The following PAK2 variants were observed in gnomAD, a reference collection of about 807,000 sequenced individuals.
PAK2 encodes serine/threonine-protein kinase PAK 2.
A neutral mutation model predicts 65.9 loss-of-function variants in PAK2; 21 were observed. The ratio of observed to expected loss-of-function variants is 0.32; its 90% CI spans 0.23 to 0.46. PAK2 has a LOEUF of 0.46. PAK2 is among the 20% of genes least tolerant of loss of function. The pLI is 1.00. For missense variants in PAK2, 324 were observed against 642.6 expected (o/e 0.50, Z 5.36); for synonymous variants, 204 against 219.7 (o/e 0.93, Z 0.63).
chr3:196,795,087 T>G (rs1487401868), intron 2 of PAK2, among the ~76,000 whole-genome samples: 1 of 152,158 alleles, frequency 6.6e-6, no homozygotes, highest in Non-Finnish European at 1.5e-5. Flanking sequence ...ACCCACAGAT[T>G]CAAGAAATTT....
At chr3:196,783,320 T>C (rs1712550585) in intron 2 of PAK2, among the ~76,000 whole-genome samples, 4 of 152,166 alleles carry the variant, frequency 2.6e-5, no homozygotes, top group Admixed American at 2.0e-4. Flanking sequence ...CAGCAAAATA[T>C]ATGTCTAGTT....
chr3:196,773,465 T>C (rs1323730926), intron 1 of PAK2, among the ~76,000 whole-genome samples: 2 of 152,128 alleles, frequency 1.3e-5, no homozygotes, highest in Admixed American at 6.6e-5. Context: ...AAATACTGTT[T>C]TATGGAAAAG....
intron 4 of PAK2, among the ~76,000 whole-genome samples, chr3:196,803,629 T>C (rs1003646582): frequency 2.0e-5 from 3 of 152,212 alleles, no homozygotes; most frequent in African/African-American, 7.2e-5. Flanking sequence ...ATAGAATATA[T>C]GTATTTTAAT....
At chr3:196,749,449 GTGGTATC>G (rs1184454632) in intron 1 of PAK2, among the ~76,000 whole-genome samples, 1 of 152,196 alleles carries the variant, frequency 6.6e-6, no homozygotes, top group African/African-American at 2.4e-5. Flanking sequence ...TGGGTATTAG[GTGGTATC>G]ATGTTAGTTT....
At chr3:196,746,071 C>T (rs1713368690) in intron 1 of PAK2, among the ~76,000 whole-genome samples, 1 of 151,920 alleles carries the variant, frequency 6.6e-6, no homozygotes. Flanking sequence ...TCGTGATCCG[C>T]CTGCCTCAGC....
At chr3:196,810,544 A>G (rs2108763198) in intron 7 of PAK2, 46 bp from the exon 8 acceptor site, 2 of 974,614 alleles carry the variant, frequency 2.1e-6, no homozygotes, top group East Asian at 2.4e-5. Flanking sequence ...CAATCAATTT[A>G]CACTTAAAAT....
intron 12 of PAK2, among the ~76,000 whole-genome samples, chr3:196,818,652 C>T (rs1174184898): frequency 1.3e-5 from 2 of 152,148 alleles, no homozygotes; most frequent in African/African-American, 4.8e-5. Context: ...AGGCGTGAGC[C>T]ACCGCGGCTG....
Position 196,828,582 on chromosome 3 carries a change from T to G in PAK2, c.*177T>G. 1 of 582,168 alleles carries G rather than the reference T, an allele frequency of 1.7e-6. No individual in the cohort carries two copies. Among genetic ancestry groups the G allele is most frequent in the Non-Finnish European group, 3.0e-6 (1 of 331,168 alleles). The allele number at this position is 582,168 out of a possible 1,614,324, so 36.1% of individuals were successfully genotyped here. ...AAAATTGCAAAAAGACAAGTATGAC[T>G]TTTATATGAACCCCTTCTTTAGGGT... On this transcript the variant is annotated 3_prime_UTR_variant, in exon 15 of 15. Transcript: ENST00000327134.
chr3:196,748,056 T>TA (rs1455412354), intron 1 of PAK2, among the ~76,000 whole-genome samples: 1 of 152,244 alleles, frequency 6.6e-6, no homozygotes, highest in Non-Finnish European at 1.5e-5. Context: ...TTTTCTTTAA[T>TA]ATACTATTCT....
At chr3:196,769,066 CCTATAATCCCAGCAATT>C (rs1714275809) in intron 1 of PAK2, among the ~76,000 whole-genome samples, 1 of 152,004 alleles carries the variant, frequency 6.6e-6, no homozygotes, top group Admixed American at 6.5e-5. Context: ...GTAGTGCACA[CCTATAATCCCAGCAATT>C]TGGGAGGCCA....
At chr3:196,793,124 C>A (rs1412025287) in intron 2 of PAK2, among the ~76,000 whole-genome samples, 1 of 152,160 alleles carries the variant, frequency 6.6e-6, no homozygotes, top group Admixed American at 6.6e-5. Flanking sequence ...TCAAAGGCCC[C>A]CCAGGACTCC....
chr3:196,750,342 G>C (rs7648479), intron 1 of PAK2, among the ~76,000 whole-genome samples: 73,006 of 151,760 alleles, frequency 0.48, 18,014 homozygotes, highest in Non-Finnish European at 0.54. Flanking sequence ...ACTCTGTTGC[G>C]CAGGCTGGTA....
chr3:196,806,489 G>T lies in PAK2; in HGVS notation c.469-90G>T, dbSNP rs1715587960. The T allele has an allele frequency of 5.2e-6, 4 of 770,186 alleles. No homozygotes were observed. In the Admixed American group the frequency reaches 8.0e-5, roughly 15 times the overall value. The allele number at this position is 770,186 out of a possible 1,614,324, so 47.7% of individuals were successfully genotyped here. On this transcript the variant is annotated intron_variant, in intron 5 of 14. Transcript: ENST00000327134. ...GGTTTTGAAATGAGCTATCAAAGAA[G>T]CAAACTTTTTGAAGTACGTTCATAA...
In PAK2 at chr3:196,830,552, C is replaced by T. The variant is rs1419843416; in HGVS notation, c.*2147C>T. The stretch of plus-strand genomic sequence containing the variant: ...ACCATCCTCACTGACTATGTGCCAA[C>T]GCCTCGTTTCAGGCTTGTGACTCAA... On this transcript the variant is annotated 3_prime_UTR_variant, in exon 15 of 15. Transcript: ENST00000327134. 7 of 152,204 alleles carry T rather than the reference C, an allele frequency of 4.6e-5. No individual in the cohort carries two copies. Among genetic ancestry groups the T allele is most frequent in the East Asian group, 1.9e-4 (1 of 5,200 alleles). The allele number at this position is 152,204 out of a possible 1,614,324, so 9.4% of individuals were successfully genotyped here. A position where few individuals can be genotyped will look rare whatever the true frequency, so the allele number is the denominator to read the frequency against.
intron 11 of PAK2, among the ~76,000 whole-genome samples, chr3:196,816,978 C>T (rs1373014762): frequency 2.0e-5 from 3 of 151,932 alleles, no homozygotes; most frequent in Non-Finnish European, 1.5e-5. Context: ...TAAGTGGAAC[C>T]AGGCCACCCA....
chr3:196,765,914 T>A (rs1714148552), intron 1 of PAK2, among the ~76,000 whole-genome samples: 1 of 152,102 alleles, frequency 6.6e-6, no homozygotes, highest in Middle Eastern at 3.4e-3. Flanking sequence ...TTTTTTTTTT[T>A]TTTTAGACGG....
intron 2 of PAK2, among the ~76,000 whole-genome samples, chr3:196,796,927 A>G (rs1480774512): frequency 6.6e-6 from 1 of 152,254 alleles, no homozygotes; most frequent in African/African-American, 2.4e-5. Flanking sequence ...AACAGCTTCA[A>G]AATTCACAAA....
intron 1 of PAK2, among the ~76,000 whole-genome samples, chr3:196,770,300 CT>C (rs1271614992): frequency 6.6e-6 from 1 of 151,842 alleles, no homozygotes; most frequent in Admixed American, 6.6e-5. Flanking sequence ...TTGTGTTTGG[CT>C]TATTTTACTT....
intron 13 of PAK2, among the ~76,000 whole-genome samples, chr3:196,824,388 G>A (rs1266560763): frequency 6.6e-6 from 1 of 152,162 alleles, no homozygotes; most frequent in Admixed American, 6.6e-5. Context: ...GGCAGATGCA[G>A]CCCATAATGA....
Sources: allele counts gnomAD v4.1 joint callset (sites outside exome capture counted in the v4.1 genomes callset), GRCh38; gene constraint gnomAD v4.1.1; transcripts MANE v1.5; gene names NCBI Gene and HGNC (gene_info 2026-07-23, HGNC 2026-07-21).